The following SAG variants were observed in gnomAD, a reference collection of about 807,000 sequenced individuals.
SAG encodes S-antigen visual arrestin.
Under a neutral mutation model 55.0 loss-of-function variants are expected in SAG, and 45 were observed. The observed-to-expected ratio is 0.82, with a 90% CI of 0.64 to 1.05. The LOEUF (loss-of-function observed/expected upper bound fraction) is 1.05. Among genes scored for constraint, SAG ranks in the 50% least tolerant of loss-of-function variants. The probability of loss-of-function intolerance (pLI) is 0.00; values close to 1 mark genes in which losing one functional copy is unlikely to be tolerated. For synonymous variants in SAG, 189 were observed against 197.4 expected (o/e 0.96, Z 0.36); for missense variants, 455 against 512.1 (o/e 0.89, Z 1.08).
Position 233,329,483 on chromosome 2 carries a change from A to G in SAG, c.649-10A>G, listed in dbSNP as rs1700679826. Reference sequence around the variant, plus strand: ...TTCTCTTCTTCTGACCTATCTGCTGACTTTTCTAGATCTATTTCCATGGGG... The same window carrying G: ...TTCTCTTCTTCTGACCTATCTGCTGGCTTTTCTAGATCTATTTCCATGGGG... On this transcript the variant is annotated splice_polypyrimidine_tract_variant and intron_variant, in intron 8 of 15. Transcript: ENST00000409110. The G allele has an allele frequency of 1.3e-6, 2 of 1,589,666 alleles. No homozygotes were observed. The highest frequency in any genetic ancestry group is 2.2e-5 in the South Asian group (2 of 90,504).
chr2:233,331,192 AC>A (rs1468537532), intron 9 of SAG, among the ~76,000 whole-genome samples: 1 of 152,080 alleles, frequency 6.6e-6, no homozygotes, highest in Non-Finnish European at 1.5e-5. Context: ...TAAATAATTC[AC>A]CCCACAGTTA....
At chr2:233,343,645 A>C in intron 14 of SAG, 1 of 1,262,220 alleles carries the variant, frequency 7.9e-7, no homozygotes, top group Non-Finnish European at 1.0e-6. Context: ...TGAAGCAGCA[A>C]AAATAATATA....
At position 233,340,414 on chromosome 2, in the gene SAG, A is replaced by C. The variant is rs753250071; in HGVS notation, c.1023-41A>C. The stretch of plus-strand genomic sequence containing the variant: ...AATCATGGGAAAGGGTCGTGTTACC[A>C]CTGTGACAGTTAACGACAGGCGTTT... On this transcript the variant is annotated intron_variant, in intron 12 of 15. Transcript: ENST00000409110. The surrounding 1 kb of genome is among the most constrained non-coding windows in gnomAD (Gnocchi z 4.2). 1 of 1,596,038 alleles carries C rather than the reference A, an allele frequency of 6.3e-7. No individual in the cohort carries two copies. Among genetic ancestry groups the C allele is most frequent in the South Asian group, 1.1e-5 (1 of 89,330 alleles).
At position 233,319,002 on chromosome 2, in the gene SAG, C is replaced by T; in HGVS notation, c.181+207C>T. ...TCCTGTTGACACCAGAGCTCACTCG[C>T]TCAGCAAAGTCATTGTCCAGGGTGG... On this transcript the variant is annotated intron_variant, in intron 4 of 15. Coordinates refer to ENST00000409110, the MANE Select transcript of SAG (RefSeq NM_000541.5). The surrounding 1 kb of genome is among the most constrained non-coding windows in gnomAD (Gnocchi z 4.4). 2 of 712,124 alleles carry T rather than the reference C, an allele frequency of 2.8e-6. No individual in the cohort carries two copies. Among genetic ancestry groups the T allele is most frequent in the South Asian group, 1.5e-5 (1 of 67,104 alleles). The allele number at this position is 712,124 out of a possible 1,614,324, so 44.1% of individuals were successfully genotyped here.
chr2:233,311,943 T>A (rs1459714771), intron 2 of SAG, among the ~76,000 whole-genome samples: 2 of 152,116 alleles, frequency 1.3e-5, no homozygotes, highest in African/African-American at 4.8e-5. Flanking sequence ...CTGGCCAACA[T>A]GGAGAAACCC....
intron 4 of SAG, 60 bp from the exon 5 acceptor site, chr2:233,320,570 C>G (rs1393826146): frequency 1.5e-5 from 20 of 1,342,916 alleles, no homozygotes; most frequent in Middle Eastern, 3.6e-4. Flanking sequence ...CCCATTCCGT[C>G]AGTGGTGGTG....
chr2:233,323,026 C>G, intron 6 of SAG, 21 bp downstream of exon 6: 1 of 1,485,338 alleles, frequency 6.7e-7, no homozygotes. Context: ...GAAGAAATGC[C>G]ATGGTTTTAT....
intron 2 of SAG, among the ~76,000 whole-genome samples, chr2:233,309,992 T>C (rs1485246857): frequency 1.3e-5 from 2 of 152,206 alleles, no homozygotes; most frequent in African/African-American, 4.8e-5. Context: ...GACTCCTTCT[T>C]CTCCGTGCAC....
rs1200448078 is a variant in SAG at position 233,322,111 on chromosome 2, C to T, written c.376-835C>T. 5.5e-5 allele frequency among the ~76,000 whole-genome samples: 8 copies of T among 146,004 alleles called. No individual in the cohort carries two copies. In the East Asian group the frequency reaches 8.0e-4, roughly 15 times the overall value. Reference sequence around the variant, plus strand: ...CTGAGGCAGGAGAATGGTGTGAACCCGGAAGGCAGAGCTTGCAGTGAGCTA... The same window carrying T: ...CTGAGGCAGGAGAATGGTGTGAACCTGGAAGGCAGAGCTTGCAGTGAGCTA... On this transcript the variant is annotated intron_variant, in intron 5 of 15. Transcript: ENST00000409110.
At chr2:233,314,095 A>G (rs563956442) in intron 2 of SAG, among the ~76,000 whole-genome samples, 1 of 151,812 alleles carries the variant, frequency 6.6e-6, no homozygotes, top group South Asian at 2.1e-4. Context: ...GGTGGCGTGC[A>G]TCTGTAGTCC....
chr2:233,308,689 A>G (rs1700001731), intron 1 of SAG, among the ~76,000 whole-genome samples: 1 of 152,108 alleles, frequency 6.6e-6, no homozygotes, highest in Non-Finnish European at 1.5e-5. Flanking sequence ...AGCCTCCCAG[A>G]ATGTTGAGAT....
intron 9 of SAG, 119 bp downstream of exon 9, chr2:233,329,696 G>T: frequency 1.5e-6 from 1 of 684,472 alleles, no homozygotes; most frequent in Non-Finnish European, 2.6e-6. Context: ...CTGGCTACTT[G>T]TCTCTGCTGT....
chr2:233,314,598 C>T lies in SAG; in HGVS notation c.76-1477C>T, dbSNP rs553573529. ...AACCAGCAGGTAGCAGTGTGTGTCC[C>T]GGTCAGCCCGCTGCTCACAGGTGCC... On this transcript the variant is annotated intron_variant, in intron 2 of 15. Transcript: ENST00000409110. Among the ~76,000 whole-genome samples the T allele has an allele frequency of 5.3e-5, 8 of 152,322 alleles. No homozygotes were observed. In the South Asian group the frequency reaches 1.0e-3, roughly 20 times the overall value.
Position 233,319,916 on chromosome 2 carries a change from G to T in SAG, c.182-714G>T. On this transcript the variant is annotated intron_variant, in intron 4 of 15. Coordinates refer to ENST00000409110, the MANE Select transcript of SAG (RefSeq NM_000541.5). The surrounding 1 kb of genome is among the most constrained non-coding windows in gnomAD (Gnocchi z 4.4). Reference sequence around the variant, plus strand: ...AACCAACAGCTACCACGCACTTGGCGGGGCCGCCTCTCGTGCTTTATATTT... The same window carrying T: ...AACCAACAGCTACCACGCACTTGGCTGGGCCGCCTCTCGTGCTTTATATTT... The T allele has an allele frequency of 3.0e-6, 3 of 985,612 alleles. No homozygotes were observed. The highest frequency in any genetic ancestry group is 3.6e-6 in the Non-Finnish European group (3 of 829,932). 61.1% of individuals were successfully genotyped at this position (985,612 alleles called of 1,614,324 possible). A position where few individuals can be genotyped will look rare whatever the true frequency, so the allele number is the denominator to read the frequency against.
chr2:233,338,797 T>G (rs1169516850), intron 12 of SAG, 44 bp downstream of exon 12: 3 of 1,519,146 alleles, frequency 2.0e-6, no homozygotes, highest in South Asian at 2.2e-5. Flanking sequence ...TGTCCTGGTC[T>G]TAGATGGTCT....
chr2:233,321,299 G>A (rs892247114), intron 5 of SAG, among the ~76,000 whole-genome samples: 10 of 152,144 alleles, frequency 6.6e-5, no homozygotes, highest in African/African-American at 9.7e-5. Flanking sequence ...GGCTACCAAC[G>A]GTGCCAGCGT....
chr2:233,343,799 C>T (rs973420561), intron 14 of SAG: 62 of 1,011,072 alleles, frequency 6.1e-5, no homozygotes, highest in Non-Finnish European at 7.2e-5. Flanking sequence ...TATAAACAAG[C>T]AGGGTTTATT....
At chr2:233,344,837 A>T (rs1701204232) in intron 14 of SAG, 1 of 152,232 alleles carries the variant, frequency 6.6e-6, no homozygotes, top group Non-Finnish European at 1.5e-5. Context: ...GTGCTGTGAC[A>T]TGCTACCAAG....
intron 14 of SAG, chr2:233,343,544 CAT>C (rs1413533464): frequency 6.1e-5 from 26 of 428,774 alleles, no homozygotes; most frequent in African/African-American, 4.9e-4. Flanking sequence ...ACTCTGAAAA[CAT>C]ATAAAAACCA....
Sources: gnomAD v4.1 joint callset for allele counts (sites outside exome capture counted in the v4.1 genomes callset) on GRCh38, gnomAD v4.1.1 for gene constraint, Gnocchi (gnomAD v3.1) non-coding constraint, MANE v1.5 for transcripts, NCBI Gene and HGNC (gene_info 2026-07-23, HGNC 2026-07-21) for gene names.